Variants in ZDHHC11 observed in about 807,000 individuals in gnomAD.
The protein encoded by ZDHHC11 is palmitoyltransferase ZDHHC11.
Under a neutral mutation model 51.3 loss-of-function variants are expected in ZDHHC11, and 44 were observed. The ratio of observed to expected loss-of-function variants is 0.86; its 90% confidence interval spans 0.67 to 1.10. The LOEUF (loss-of-function observed/expected upper bound fraction) is 1.10. Ranked by LOEUF, ZDHHC11 falls within the 50% of genes least tolerant of loss-of-function variation. ZDHHC11 has a pLI of 0.00. For missense variants in ZDHHC11, 400 were observed against 537.7 expected (o/e 0.74, Z 2.53); for synonymous variants, 163 against 222.0 (o/e 0.73, Z 2.36).
At chr5:856,145 A>G (rs1028550726) in intron 1 of ZDHHC11, among the ~76,000 whole-genome samples, 1 of 152,034 alleles carries the variant, frequency 6.6e-6, no homozygotes, top group African/African-American at 2.4e-5. Flanking sequence ...ACCACACCAC[A>G]CAATCCACAT....
chr5:834,924 T>G (rs1743623073), intron 6 of ZDHHC11, among the ~76,000 whole-genome samples: 1 of 152,074 alleles, frequency 6.6e-6, no homozygotes, highest in Non-Finnish European at 1.5e-5. Context: ...TTTACTTTAT[T>G]GTGGCTTTCT....
chr5:855,320 C>T (rs528506374), upstream of ZDHHC11, among the ~76,000 whole-genome samples: 4 of 138,086 alleles, frequency 2.9e-5, no homozygotes, highest in Admixed American at 1.5e-4. Flanking sequence ...CCAGGGGGCA[C>T]AGACCCCACA....
chr5:854,184 CG>C (rs1475543448), upstream of ZDHHC11, among the ~76,000 whole-genome samples: 1 of 134,108 alleles, frequency 7.5e-6, no homozygotes, highest in African/African-American at 2.8e-5. Flanking sequence ...GACAGCGAGC[CG>C]GGGGGACAGA....
intron 10 of ZDHHC11, 124 bp downstream of exon 10, chr5:819,401 A>G: frequency 3.0e-6 from 3 of 1,003,952 alleles, no homozygotes; most frequent in East Asian, 2.4e-5. Flanking sequence ...CCATGTGAGC[A>G]GCACCCTTGG....
chr5:819,109 C>T (rs1307831326), intron 10 of ZDHHC11, among the ~76,000 whole-genome samples: 1 of 151,626 alleles, frequency 6.6e-6, no homozygotes, highest in Non-Finnish European at 1.5e-5. Flanking sequence ...CATCTGTCTC[C>T]TACACACAGT....
chr5:811,663 G>A (rs1318628997), intron 11 of ZDHHC11, among the ~76,000 whole-genome samples: 2 of 150,310 alleles, frequency 1.3e-5, no homozygotes, highest in African/African-American at 5.0e-5. Context: ...AGCGGAGTTG[G>A]GATGCCAGGG....
At chr5:857,879 G>A (rs111655341) in intron 1 of ZDHHC11, among the ~76,000 whole-genome samples, 2,930 of 115,718 alleles carry the variant, frequency 0.025, 82 homozygotes, top group African/African-American at 0.092. Context: ...CCTGGTCCCC[G>A]TCCTGTCTTT....
At chr5:824,635 C>T (rs1256950280) in intron 8 of ZDHHC11, among the ~76,000 whole-genome samples, 2 of 151,500 alleles carry the variant, frequency 1.3e-5, no homozygotes, top group South Asian at 2.1e-4. Flanking sequence ...CCACACACCA[C>T]ACACAAAACC....
At chr5:858,717 GA>G (rs1397163042) in intron 1 of ZDHHC11, among the ~76,000 whole-genome samples, 2 of 152,100 alleles carry the variant, frequency 1.3e-5, no homozygotes, top group East Asian at 3.9e-4. Context: ...CCCCACAGTG[GA>G]AACGGCCTTT....
chr5:850,071 T>C (rs1451787800), intron 1 of ZDHHC11, among the ~76,000 whole-genome samples: 2 of 152,238 alleles, frequency 1.3e-5, no homozygotes, highest in African/African-American at 4.8e-5. Flanking sequence ...TGCAAAATGC[T>C]GCGCAGGGAT....
rs111725825 is a variant in ZDHHC11, at chr5:822,733, C to T, written c.1024-838G>A. On this transcript the variant is annotated intron_variant, in intron 8 of 12. Coordinates refer to ENST00000283441, the MANE Select transcript of ZDHHC11 (RefSeq NM_024786.3). ...TGTTGCCCATAGTGGTCTCAAACTC[C>T]TGGCCTCAAGGGATCCTCCTGCCTT... Among the ~76,000 whole-genome samples, 521 of 151,750 alleles carry T rather than the reference C, an allele frequency of 3.4e-3. 3 individuals carry two copies. Among genetic ancestry groups the T allele is most frequent in the Non-Finnish European group, 4.7e-3 (322 of 67,802 alleles).
intron 10 of ZDHHC11, among the ~76,000 whole-genome samples, chr5:817,280 C>T (rs1740932640): frequency 6.6e-6 from 1 of 151,446 alleles, no homozygotes; most frequent in South Asian, 2.1e-4. Flanking sequence ...TTGTACTTAT[C>T]AATACTTTAT....
chr5:835,162 T>C (rs1435506289), intron 6 of ZDHHC11, among the ~76,000 whole-genome samples: 9 of 150,946 alleles, frequency 6.0e-5, no homozygotes, highest in African/African-American at 2.2e-4. Context: ...GCTTTTAAGT[T>C]TAGGTGTCAG....
chr5:841,517 C>A lies in ZDHHC11; in HGVS notation c.629-867G>T, dbSNP rs560336074. On this transcript the variant is annotated intron_variant, in intron 4 of 12. Coordinates refer to ENST00000283441, the MANE Select transcript of ZDHHC11 (RefSeq NM_024786.3). ...GCACCCATCCCTTCCTTATTTAGTG[C>A]CAGGGTCACGGTGCCCACCCCTTCC... 50 of 996,818 alleles carry A rather than the reference C, an allele frequency of 5.0e-5. No homozygotes were observed. The African/African-American group carries it at 8.6e-4, about 17-fold the overall frequency. The allele number at this position is 996,818 out of a possible 1,614,324, so 61.7% of individuals were successfully genotyped here. A position where few individuals can be genotyped will look rare whatever the true frequency, so the allele number is the denominator to read the frequency against.
chr5:803,058 C>G (rs892829900), intron 11 of ZDHHC11, among the ~76,000 whole-genome samples: 1 of 150,274 alleles, frequency 6.7e-6, no homozygotes, highest in Non-Finnish European at 1.5e-5. Flanking sequence ...AGCTGCTGGT[C>G]TTTCGTGAAT....
chr5:813,297 C>T (rs1419328864), intron 11 of ZDHHC11, among the ~76,000 whole-genome samples: 1 of 141,610 alleles, frequency 7.1e-6, no homozygotes. Context: ...CACTGCACTG[C>T]AGCCTGGGTG....
intron 5 of ZDHHC11, among the ~76,000 whole-genome samples, chr5:839,021 G>A (rs1371757854): frequency 1.3e-4 from 18 of 134,776 alleles, no homozygotes; most frequent in Admixed American, 5.1e-4. Flanking sequence ...AACCTCGGCC[G>A]ATTCTCCTGT....
rs560259359 is a variant in ZDHHC11 at position 802,350 on chromosome 5, G to A, written c.1182-1186C>T. On this transcript the variant is annotated intron_variant, in intron 11 of 12. Coordinates refer to ENST00000283441, the MANE Select transcript of ZDHHC11 (RefSeq NM_024786.3). ...AAGGAGAACTGGGGTATCACCAAAC[G>A]AATCCAAAAATTACTGAGAATAAAG... 6.0e-4 allele frequency among the ~76,000 whole-genome samples: 90 copies of A among 151,230 alleles called. 4 individuals carry two copies. The highest frequency in any genetic ancestry group is 2.2e-3 in the African/African-American group (89 of 41,238).
chr5:803,800 G>T (rs529697043), intron 11 of ZDHHC11, among the ~76,000 whole-genome samples: 8 of 150,682 alleles, frequency 5.3e-5, no homozygotes, highest in Admixed American at 4.0e-4. Context: ...AGTAGAGATA[G>T]AAATTATATA....
Sources: allele counts gnomAD v4.1 joint callset (sites outside exome capture counted in the v4.1 genomes callset), GRCh38; gene constraint gnomAD v4.1.1; transcripts MANE v1.5; gene names NCBI Gene and HGNC (gene_info 2026-07-23, HGNC 2026-07-21).